PRCP: variants seen among roughly 807,000 people sequenced by gnomAD.
PRCP encodes lysosomal Pro-X carboxypeptidase.
PRCP carries 46 observed loss-of-function variants against 54.2 expected under a neutral mutation model. The observed-to-expected ratio is 0.85, with a 90% CI of 0.67 to 1.09. PRCP has a LOEUF of 1.09. Ranked by LOEUF, PRCP falls within the 50% of genes least tolerant of loss-of-function variation. The pLI is 0.00. For synonymous variants in PRCP, 240 were observed against 212.2 expected (o/e 1.13, Z -1.14); for missense variants, 613 against 596.8 (o/e 1.03, Z -0.28).
rs767060778 is a variant in PRCP, at chr11:82,849,063, C to G, written c.907G>C (p.Ala303Pro). Reference sequence around the variant, plus strand: ...TTTCCTATTACCTTGATAGGCCAAGCAGGCAAAGGCTGTAAAAAGTTAGAG... The same window carrying G: ...TTTCCTATTACCTTGATAGGCCAAGGAGGCAAAGGCTGTAAAAAGTTAGAG... ...YASNFLQPLP[A>P]WPIKVVCQYL... The change falls in exon 6 of 9, where the codon GCT (alanine) becomes CCT (proline). Residue 303 changes from alanine to proline, a missense_variant. Physicochemically the swap from Ala to Pro is conservative, Grantham distance 27. Transcript: ENST00000313010. The G allele has an allele frequency of 3.1e-6, 5 of 1,612,168 alleles. No homozygotes were observed. The highest frequency in any genetic ancestry group is 4.2e-6 in the Non-Finnish European group (5 of 1,179,346).
At chr11:82,847,759 ATT>A (rs576208990) in intron 6 of PRCP, among the ~76,000 whole-genome samples, 1 of 151,926 alleles carries the variant, frequency 6.6e-6, no homozygotes, top group African/African-American at 2.4e-5. Context: ...TGCCCTGCTA[ATT>A]TTTTTGATTT....
Position 82,850,495 on chromosome 11 carries a change from T to A in PRCP, c.422A>T (p.His141Leu). The change falls in exon 4 of 9, where the codon CAC (histidine) becomes CTC (leucine). Residue 141 changes from histidine to leucine, a missense_variant. Transcript: ENST00000313010. Reference protein sequence around the residue: ...FGDNSFKDSRHLNFLTSEQAL... With the variant: ...FGDNSFKDSRLLNFLTSEQAL... ...TTGTTCTGATGTCAGGAAATTCAAG[T>A]GTCTGGAATCCTAAAGAAATATAAC... The A allele has an allele frequency of 6.4e-7, 1 of 1,565,232 alleles. No individual in the cohort carries two copies. The highest frequency in any genetic ancestry group is 1.4e-5 in the African/African-American group (1 of 73,086).
At chr11:82,838,743 T>G (rs1374741319) in intron 7 of PRCP, among the ~76,000 whole-genome samples, 169 bp from the exon 8 acceptor site, 1 of 152,246 alleles carries the variant, frequency 6.6e-6, no homozygotes, top group East Asian at 1.9e-4. Flanking sequence ...CTCTCATTAT[T>G]CTTAAAAAGA....
intron 1 of PRCP, among the ~76,000 whole-genome samples, chr11:82,889,239 T>C (rs1222465307): frequency 6.6e-6 from 1 of 151,968 alleles, no homozygotes; most frequent in African/African-American, 2.4e-5. Context: ...AAGCCTTTAG[T>C]CTCAGCTACT....
At chr11:82,848,138 C>G (rs1169340661) in intron 6 of PRCP, among the ~76,000 whole-genome samples, 1 of 152,166 alleles carries the variant, frequency 6.6e-6, no homozygotes, top group Admixed American at 6.5e-5. Context: ...GCATTTGAAA[C>G]CCGGCTCTAT....
intron 8 of PRCP, among the ~76,000 whole-genome samples, chr11:82,838,027 G>C (rs956621622): frequency 6.6e-6 from 1 of 152,194 alleles, no homozygotes; most frequent in African/African-American, 2.4e-5. Flanking sequence ...ACAGAATGAA[G>C]TGGGCACTTC....
Position 82,884,955 on chromosome 11 carries a change from C to T in PRCP, c.168+15280G>A. 1.9e-6 allele frequency: 3 copies of T among 1,581,820 alleles called. No individual in the cohort carries two copies. The South Asian group carries it at 3.5e-5, about 18-fold the overall frequency. ...GGTTTTACTAGCACACACCTCCCAGCTCAAACAATATATGCCATCAGTGCT... is the reference window on the plus strand; with the variant it reads ...GGTTTTACTAGCACACACCTCCCAGTTCAAACAATATATGCCATCAGTGCT... On this transcript the variant is annotated intron_variant, in intron 1 of 8. Coordinates refer to ENST00000313010, the MANE Select transcript of PRCP (RefSeq NM_005040.4).
At chr11:82,846,023 T>C (rs1276198707) in intron 6 of PRCP, 1 of 152,248 alleles carries the variant, frequency 6.6e-6, no homozygotes, top group Non-Finnish European at 1.5e-5. Context: ...TCGCTGCCCA[T>C]GGATCCTTCA....
intron 8 of PRCP, 54 bp from the exon 9 acceptor site, chr11:82,825,176 C>G: frequency 6.8e-7 from 1 of 1,471,930 alleles, no homozygotes; most frequent in Non-Finnish European, 9.3e-7. Flanking sequence ...CATGTTAACA[C>G]TCAGATAAGC....
chr11:82,879,608 G>C (rs1490083522), intron 1 of PRCP, among the ~76,000 whole-genome samples: 1 of 152,176 alleles, frequency 6.6e-6, no homozygotes, highest in African/African-American at 2.4e-5. Flanking sequence ...AGGAGAAGAG[G>C]CACTCTGATT....
At chr11:82,855,890 T>C (rs954993180) in intron 2 of PRCP, among the ~76,000 whole-genome samples, 2 of 152,198 alleles carry the variant, frequency 1.3e-5, no homozygotes, top group African/African-American at 4.8e-5. Context: ...GGGGAATGCT[T>C]ATAAACTGTT....
chr11:82,898,999 T>A (rs11233367), intron 1 of PRCP, among the ~76,000 whole-genome samples: 72,397 of 151,194 alleles, frequency 0.48, 17,417 homozygotes, highest in African/African-American at 0.53. Context: ...AATAAAAAAA[T>A]TTTTAAATTA....
Position 82,850,393 on chromosome 11 carries a change from G to A in PRCP, c.524C>T (p.Ala175Val). The stretch of plus-strand genomic sequence containing the variant: ...CATGCCACCATAGGAGCCTCCTATG[G>A]CAATGACAGGTTGATTTTCAGCTCC... The part of the protein sequence containing the change: ...IPGAENQPVI[A>V]IGGSYGGMLA... Residue 175 changes from alanine (A) to valine (V), a missense_variant, in exon 4 of 9, where the codon GCC (alanine) becomes GTC (valine). By Grantham distance (64) the Ala-to-Val change is moderately conservative. Coordinates refer to ENST00000313010, the MANE Select transcript of PRCP (RefSeq NM_005040.4). 1 of 1,603,944 alleles carries A rather than the reference G, an allele frequency of 6.2e-7. No homozygotes were observed. Among genetic ancestry groups the A allele is most frequent in the Non-Finnish European group, 8.5e-7 (1 of 1,174,506 alleles).
upstream of PRCP, chr11:82,901,325 C>G (rs566043381): frequency 3.0e-4 from 62 of 208,242 alleles, no homozygotes; most frequent in Admixed American, 1.1e-3. Flanking sequence ...CGCTCCACCC[C>G]CCTCCTGCCT....
At chr11:82,890,780 T>C (rs934616358) in intron 1 of PRCP, among the ~76,000 whole-genome samples, 1 of 152,226 alleles carries the variant, frequency 6.6e-6, no homozygotes, top group African/African-American at 2.4e-5. Context: ...CTAAATCAAG[T>C]GGCCAATTCC....
At chr11:82,826,490 A>G (rs1043579102) in intron 8 of PRCP, 1 of 152,196 alleles carries the variant, frequency 6.6e-6, no homozygotes, top group Non-Finnish European at 1.5e-5. Flanking sequence ...ATACTTAGGA[A>G]TTTCTAGGAT....
intron 1 of PRCP, among the ~76,000 whole-genome samples, chr11:82,892,850 A>G (rs922297139): frequency 3.9e-5 from 6 of 152,234 alleles, no homozygotes; most frequent in Non-Finnish European, 7.3e-5. Context: ...GTTTGAGTAT[A>G]TGCAGTTGGA....
chr11:82,849,635 T>C (rs1432194754), intron 5 of PRCP, among the ~76,000 whole-genome samples: 1 of 152,174 alleles, frequency 6.6e-6, no homozygotes, highest in Admixed American at 6.5e-5. Flanking sequence ...GAAGTGAGGA[T>C]GTTTTTGCTG....
chr11:82,841,621 A>G (rs1196987116), intron 6 of PRCP, among the ~76,000 whole-genome samples: 3 of 152,244 alleles, frequency 2.0e-5, no homozygotes, highest in Non-Finnish European at 2.9e-5. Flanking sequence ...AATTGGATAT[A>G]TCTTTCAAAA....
Sources: gnomAD v4.1 joint callset for allele counts (sites outside exome capture counted in the v4.1 genomes callset) on GRCh38, gnomAD v4.1.1 for gene constraint, MANE v1.5 for transcripts, NCBI Gene and HGNC (gene_info 2026-07-23, HGNC 2026-07-21) for gene names.